Variants in PRKN observed in about 807,000 individuals in gnomAD.
PRKN encodes the protein E3 ubiquitin-protein ligase parkin.
In PRKN, 56 loss-of-function variants were observed where a neutral mutation model predicts 59.5. The ratio of observed to expected loss-of-function variants is 0.94; its 90% CI spans 0.76 to 1.18. The LOEUF (loss-of-function observed/expected upper bound fraction) is 1.18. Ranked by LOEUF, PRKN falls within the 50% of genes most tolerant of loss-of-function variation. The pLI is 0.00. For synonymous variants in PRKN, 250 were observed against 222.1 expected (o/e 1.13, Z -1.12); for missense variants, 657 against 596.4 (o/e 1.10, Z -1.06).
At chr6:162,624,139 T>C (rs778417067) in intron 1 of PRKN, among the ~76,000 whole-genome samples, 2 of 151,710 alleles carry the variant, frequency 1.3e-5, no homozygotes, top group Middle Eastern at 3.2e-3. Flanking sequence ...TCCCAGCTAC[T>C]CGGGAGGCTG....
At chr6:161,956,724 T>C (rs1170025456) in intron 6 of PRKN, among the ~76,000 whole-genome samples, 1 of 152,202 alleles carries the variant, frequency 6.6e-6, no homozygotes, top group Non-Finnish European at 1.5e-5. Context: ...ATTATATATA[T>C]AATTCCAGAA....
At chr6:162,533,252 G>C (rs1375594352) in intron 1 of PRKN, among the ~76,000 whole-genome samples, 2 of 152,156 alleles carry the variant, frequency 1.3e-5, no homozygotes, top group South Asian at 4.1e-4. Flanking sequence ...GGCTGGGCGC[G>C]GTGGCTCACG....
intron 1 of PRKN, chr6:162,569,862 G>T (rs948720602): frequency 1.1e-5 from 4 of 356,258 alleles, no homozygotes; most frequent in Non-Finnish European, 2.1e-5. Context: ...GCCCACCCAC[G>T]GGGGAGTTTA....
intron 9 of PRKN, among the ~76,000 whole-genome samples, chr6:161,431,894 C>T (rs781658876): frequency 9.2e-5 from 14 of 152,210 alleles, no homozygotes; most frequent in South Asian, 2.1e-4. Context: ...GGATTACAGG[C>T]GTGAGCCACT....
chr6:162,320,554 C>T (rs1782974388), intron 2 of PRKN, among the ~76,000 whole-genome samples: 1 of 150,806 alleles, frequency 6.6e-6, no homozygotes, highest in Non-Finnish European at 1.5e-5. Flanking sequence ...CATTAAGACA[C>T]CACTACACAC....
intron 3 of PRKN, among the ~76,000 whole-genome samples, chr6:162,235,958 G>GAAGAAAGAAAGAAAGAAAGAAAGA: frequency 1.1e-5 from 1 of 92,678 alleles, no homozygotes; most frequent in Non-Finnish European, 2.3e-5. Context: ...AGGAAGAAAG[G>GAAGAAAGAAAGAAAGAAAGAAAGA]AAGAAAGAAA....
chr6:162,071,798 T>A (rs942401905), intron 4 of PRKN, among the ~76,000 whole-genome samples: 4 of 152,066 alleles, frequency 2.6e-5, no homozygotes, highest in Non-Finnish European at 5.9e-5. Context: ...GGTTTTACCA[T>A]GTTGGCCAGC....
At chr6:161,723,854 A>G (rs1474167557) in intron 7 of PRKN, among the ~76,000 whole-genome samples, 1 of 152,132 alleles carries the variant, frequency 6.6e-6, no homozygotes, top group Non-Finnish European at 1.5e-5. Flanking sequence ...AAGCTGGTTC[A>G]GCAGACCTGT....
intron 9 of PRKN, among the ~76,000 whole-genome samples, chr6:161,420,698 G>A (rs1788064914): frequency 2.0e-5 from 3 of 151,952 alleles, no homozygotes; most frequent in Admixed American, 2.0e-4. Flanking sequence ...TTTGTAGAGA[G>A]AGGGTCTCCC....
rs917448850 is a variant in PRKN at position 161,417,344 on chromosome 6, G to A, written c.1084-30467C>T. On this transcript the variant is annotated intron_variant, in intron 9 of 11. Transcript: ENST00000366898. The surrounding 1 kb of genome is among the most constrained non-coding windows in gnomAD (Gnocchi z 5.4). ...GCCTGCCTGTAGTCGCAGCTACTCG[G>A]GAGGCTAAGGCAGCAGAATCACTTG... 3.3e-5 allele frequency among the ~76,000 whole-genome samples: 5 copies of A among 151,994 alleles called. No homozygotes were observed. The highest frequency in any genetic ancestry group is 1.2e-4 in the African/African-American group (5 of 41,412).
intron 7 of PRKN, among the ~76,000 whole-genome samples, chr6:161,735,517 T>C (rs893728857): frequency 6.6e-6 from 1 of 152,168 alleles, no homozygotes; most frequent in Non-Finnish European, 1.5e-5. Context: ...AACTATTAGT[T>C]GTTAAGTTTT....
chr6:162,563,317 C>CAAAAAAA (rs55881751), intron 1 of PRKN, among the ~76,000 whole-genome samples: 6 of 145,794 alleles, frequency 4.1e-5, no homozygotes, highest in Admixed American at 1.4e-4. Flanking sequence ...AAACAAAAAA[C>CAAAAAAA]AAAAAAAAAA....
At chr6:161,827,095 G>T (rs1163738150) in intron 6 of PRKN, among the ~76,000 whole-genome samples, 1 of 152,126 alleles carries the variant, frequency 6.6e-6, no homozygotes, top group Non-Finnish European at 1.5e-5. Flanking sequence ...TAACTTACAT[G>T]GATTCATGGC....
chr6:162,380,488 T>C (rs1445400895), intron 2 of PRKN, among the ~76,000 whole-genome samples: 2 of 39,054 alleles, frequency 5.1e-5, no homozygotes, highest in African/African-American at 2.2e-4. Context: ...TATATGTATA[T>C]ATACACACAT....
intron 9 of PRKN, among the ~76,000 whole-genome samples, chr6:161,438,390 G>T (rs1789030210): frequency 6.6e-6 from 1 of 151,708 alleles, no homozygotes; most frequent in African/African-American, 2.4e-5. Context: ...GCTATTTTTT[G>T]TATTTTTAGT....
Position 162,347,222 on chromosome 6 carries a change from T to A in PRKN, c.172-84457A>T, listed in dbSNP as rs920939382. Among the ~76,000 whole-genome samples, 20 of 151,720 alleles carry A rather than the reference T, an allele frequency of 1.3e-4. 1 individual carries two copies. The highest frequency in any genetic ancestry group is 2.9e-4 in the African/African-American group (12 of 41,416). ...TGACATCTTATGTTGGATGCTTAGT[T>A]CACTAATTTTCAGCCTCTGTTCCTT... On this transcript the variant is annotated intron_variant, in intron 2 of 11. Transcript: ENST00000366898.
At position 161,467,054 on chromosome 6, in the gene PRKN, T is replaced by C. The variant is rs966023245; in HGVS notation, c.1084-80177A>G. ...TTCTACATCCCAGAAACCAGGATTG[T>C]TTGCCACTGATTTCATTTTCTTCTC... On this transcript the variant is annotated intron_variant, in intron 9 of 11. Transcript: ENST00000366898. This position sits in a 1 kb window ranked among gnomAD's most constrained non-coding sequence, Gnocchi z 4.3. Among the ~76,000 whole-genome samples, 1 of 152,222 alleles carries C rather than the reference T, an allele frequency of 6.6e-6. No homozygotes were observed. Among genetic ancestry groups the C allele is most frequent in the Admixed American group, 6.5e-5 (1 of 15,284 alleles).
intron 4 of PRKN, among the ~76,000 whole-genome samples, chr6:162,138,002 A>G (rs1781620331): frequency 6.6e-6 from 1 of 152,102 alleles, no homozygotes; most frequent in African/African-American, 2.4e-5. Context: ...GCTATAGCAG[A>G]GGAAGGGAGA....
At chr6:162,293,545 A>G (rs1781531778) in intron 2 of PRKN, among the ~76,000 whole-genome samples, 1 of 152,140 alleles carries the variant, frequency 6.6e-6, no homozygotes, top group East Asian at 1.9e-4. Flanking sequence ...CGCCCTGGAG[A>G]GGGCAGCTGT....
Sources: gnomAD v4.1 joint callset for allele counts (sites outside exome capture counted in the v4.1 genomes callset) on GRCh38, gnomAD v4.1.1 for gene constraint, Gnocchi (gnomAD v3.1) non-coding constraint, MANE v1.5 for transcripts, NCBI Gene and HGNC (gene_info 2026-07-23, HGNC 2026-07-21) for gene names.